PTPRS: variants seen among roughly 807,000 people sequenced by gnomAD.
PTPRS encodes protein tyrosine phosphatase receptor type S.
Under a neutral mutation model 215.3 loss-of-function variants are expected in PTPRS, and 63 were observed. The ratio of observed to expected loss-of-function variants is 0.29; its 90% CI spans 0.24 to 0.36. The LOEUF (loss-of-function observed/expected upper bound fraction) is 0.36. Ranked by LOEUF, PTPRS falls within the 10% of genes least tolerant of loss-of-function variation. The pLI is 1.00. For missense variants in PTPRS, 2,258 were observed against 2,825.8 expected (o/e 0.80, Z 4.56); for synonymous variants, 1,404 against 1,191.4 (o/e 1.18, Z -3.68).
At position 5,222,928 on chromosome 19, in the gene PTPRS, G is replaced by A. The variant is rs1048404327; in HGVS notation, c.2864C>T (p.Pro955Leu). The A allele has an allele frequency of 4.9e-5, 77 of 1,558,558 alleles. No individual in the cohort carries two copies. Among genetic ancestry groups the A allele is most frequent in the Non-Finnish European group, 6.2e-5 (72 of 1,159,632 alleles). The change falls in exon 18 of 38, where the codon CCC becomes CTC. Residue 955 changes from proline (P) to leucine (L), a missense_variant. By Grantham distance (98) the Pro-to-Leu change is moderately conservative. This residue lies in a region of PTPRS where 361 missense variants were observed against 332.6 expected (regional missense o/e 1.09). Transcript: ENST00000262963. ...TVLLRWLPPV[P>L]AERNGAIVKY... ...GACGATGGCCCCGTTGCGCTCGGCG[G>A]GCACGGGTGGCAGCCAGCGGAGAAG... is the stretch of plus-strand genomic sequence containing the variant.
At position 5,300,184 on chromosome 19, in the gene PTPRS, T is replaced by C. The variant is rs796644258; in HGVS notation, c.-94-13950A>G. ...AGAACCCAGGAGGTGGACACTGCAG[T>C]GACGTGAGATCATGCCACAGCACTA... On this transcript the variant is annotated intron_variant, in intron 1 of 37. Transcript: ENST00000262963. Among the ~76,000 whole-genome samples, 59 of 146,216 alleles carry C rather than the reference T, an allele frequency of 4.0e-4. 2 individuals carry two copies. The highest frequency in any genetic ancestry group is 1.4e-3 in the African/African-American group (55 of 39,266).
intron 2 of PTPRS, 48 bp downstream of exon 2, chr19:5,286,002 A>G: frequency 6.4e-7 from 1 of 1,556,948 alleles, no homozygotes; most frequent in African/African-American, 1.4e-5. Flanking sequence ...AAATGCACAC[A>G]GGTAAACAAA....
chr19:5,218,891 G>T (rs2041730304), intron 23 of PTPRS, 93 bp from the exon 24 acceptor site: 2 of 1,326,456 alleles, frequency 1.5e-6, no homozygotes, highest in African/African-American at 3.0e-5. Flanking sequence ...GTGACTCTCA[G>T]TGCCTTCCTT....
intron 35 of PTPRS, among the ~76,000 whole-genome samples, chr19:5,209,150 GTAACTCA>G (rs1166330758): frequency 2.0e-5 from 3 of 151,990 alleles, no homozygotes; most frequent in Non-Finnish European, 4.4e-5. Context: ...TCCCCTCTTG[GTAACTCA>G]TCCTTAACCA....
In PTPRS at chr19:5,257,288, G is replaced by A. The variant is rs977964264; in HGVS notation, c.706+729C>T. On this transcript the variant is annotated intron_variant, in intron 8 of 37. Transcript: ENST00000262963. The surrounding 1 kb of genome is among the most constrained non-coding windows in gnomAD (Gnocchi z 4.4). ...TGGGGCGAGGCCCCCACGCTGCTGGGCATGACTGAGTGGGAATTGGAAACT... is the reference window on the plus strand; with the variant it reads ...TGGGGCGAGGCCCCCACGCTGCTGGACATGACTGAGTGGGAATTGGAAACT... The A allele has an allele frequency of 4.5e-5, 18 of 398,246 alleles. No homozygotes were observed. Among genetic ancestry groups the A allele is most frequent in the South Asian group, 3.1e-4 (17 of 55,474 alleles). The allele number at this position is 398,246 out of a possible 1,614,324, so 24.7% of individuals were successfully genotyped here.
intron 13 of PTPRS, 91 bp downstream of exon 13, chr19:5,238,828 C>A: frequency 7.0e-7 from 1 of 1,438,032 alleles, no homozygotes; most frequent in Non-Finnish European, 9.1e-7. Flanking sequence ...CCCACTGCAG[C>A]AGGCCCCGCC....
In PTPRS at chr19:5,287,745, G is replaced by A. The variant is rs1213314061; in HGVS notation, c.-94-1511C>T. ...TGGCCGGGTCACAGCCTAGGGTGAC[G>A]AACGGGATTCGGGGGGCCTCAGTGT... On this transcript the variant is annotated intron_variant, in intron 1 of 37. Transcript: ENST00000262963. This position sits in a 1 kb window ranked among gnomAD's most constrained non-coding sequence, Gnocchi z 4.8. 3.3e-5 allele frequency among the ~76,000 whole-genome samples: 5 copies of A among 152,134 alleles called. No homozygotes were observed. The highest frequency in any genetic ancestry group is 1.9e-4 in the East Asian group (1 of 5,186).
At chr19:5,218,897 T>C in intron 23 of PTPRS, 99 bp from the exon 24 acceptor site, 1 of 1,264,140 alleles carries the variant, frequency 7.9e-7, no homozygotes, top group South Asian at 1.4e-5. Context: ...CTCAGTGCCT[T>C]CCTTAACCTC....
At chr19:5,238,809 C>T (rs1352607214) in intron 13 of PTPRS, 110 bp downstream of exon 13, 38 of 1,372,254 alleles carry the variant, frequency 2.8e-5, no homozygotes, top group Non-Finnish European at 3.5e-5. Context: ...GGCCGGGAGG[C>T]GCCCCCCACC....
chr19:5,227,351 G>A (rs187339335), intron 16 of PTPRS, among the ~76,000 whole-genome samples: 101 of 151,338 alleles, frequency 6.7e-4, no homozygotes, highest in African/African-American at 2.3e-3. Context: ...GTGCCTGGCT[G>A]AGAGCTGATT....
intron 2 of PTPRS, among the ~76,000 whole-genome samples, chr19:5,284,419 A>AT (rs756872610): frequency 1.0e-4 from 10 of 99,484 alleles, no homozygotes; most frequent in East Asian, 4.1e-4. Context: ...AAATAAATAA[A>AT]AATTAGCCAG....
At chr19:5,247,289 C>T (rs932392993) in intron 9 of PTPRS, among the ~76,000 whole-genome samples, 2 of 151,762 alleles carry the variant, frequency 1.3e-5, no homozygotes, top group African/African-American at 4.8e-5. Context: ...CGTTTCTTAG[C>T]GGGGAAGTGG....
chr19:5,226,205 C>T (rs1225790388), intron 16 of PTPRS, among the ~76,000 whole-genome samples: 3 of 152,200 alleles, frequency 2.0e-5, no homozygotes, highest in Non-Finnish European at 4.4e-5. Flanking sequence ...TCCATGGCTC[C>T]CACCTCTCTT....
At chr19:5,270,028 C>A (rs2046773110) in intron 4 of PTPRS, among the ~76,000 whole-genome samples, 1 of 151,592 alleles carries the variant, frequency 6.6e-6, no homozygotes, top group Admixed American at 6.6e-5. Flanking sequence ...CCTTTTAATA[C>A]CCTGAGTGCT....
Position 5,208,379 on chromosome 19 carries a change from G to C in PTPRS, c.5500C>G (p.Arg1834Gly). 6.2e-7 allele frequency: 1 copy of C among 1,601,292 alleles called. No homozygotes were observed. Among genetic ancestry groups the C allele is most frequent in the Non-Finnish European group, 8.5e-7 (1 of 1,173,372 alleles). The change falls in exon 36 of 38, where the codon CGG becomes GGG. Residue 1834 changes from arginine to glycine, a missense_variant. Around this residue, in one of 6 missense-constraint regions of PTPRS, gnomAD observed 927 missense variants for 1,125.9 expected, o/e 0.82. Transcript: ENST00000262963. ...KVTDARDGQS[R>G]TVRQFQFTDW... is the part of the protein sequence containing the mutation. The stretch of plus-strand genomic sequence containing the variant: ...GTGAACTGGAACTGCCGGACAGTCC[G>C]GGACTGGCCATCCTAGAGTGCAGAG...
chr19:5,268,110 C>G (rs1336829316), intron 4 of PTPRS, among the ~76,000 whole-genome samples: 4 of 152,116 alleles, frequency 2.6e-5, no homozygotes, highest in African/African-American at 9.7e-5. Flanking sequence ...GCGGACTTTG[C>G]AGTGAGCAGA....
intron 13 of PTPRS, among the ~76,000 whole-genome samples, chr19:5,234,103 C>T (rs900528725): frequency 1.3e-5 from 2 of 151,296 alleles, no homozygotes; most frequent in Non-Finnish European, 2.9e-5. Flanking sequence ...ATTTACTGGC[C>T]ACCTACTGTA....
At chr19:5,304,487 A>AAAAATAC (rs1345240936) in intron 1 of PTPRS, among the ~76,000 whole-genome samples, 8 of 151,918 alleles carry the variant, frequency 5.3e-5, no homozygotes, top group Admixed American at 5.3e-4. Flanking sequence ...AAAATAAAAT[A>AAAAATAC]AAAATACAAA....
rs749228586 is a variant in PTPRS at position 5,218,792 on chromosome 19, G to T, written c.3930C>A (p.Pro1310=). 2 of 1,605,410 alleles carry T rather than the reference G, an allele frequency of 1.2e-6. No individual in the cohort carries two copies. Among genetic ancestry groups the T allele is most frequent in the African/African-American group, 2.7e-5 (2 of 74,322 alleles). The change falls in exon 24 of 38, where the codon CCC becomes CCA. Residue 1310 remains proline (P), a synonymous_variant. Transcript: ENST00000262963. ...GGGGGAGGGCTGGTTCTTACCTGTCGGGTTTGCTGTTCCCGAAAGCAGACA... is the reference window on the plus strand; with the variant it reads ...GGGGGAGGGCTGGTTCTTACCTGTCTGGTTTGCTGTTCCCGAAAGCAGACA... ...VIAILLYKNK[P]DSKRKDSEPR...
Sources: allele counts gnomAD v4.1 joint callset (sites outside exome capture counted in the v4.1 genomes callset), GRCh38; gene constraint gnomAD v4.1.1; regional missense constraint gnomAD v4.1.1; non-coding constraint Gnocchi (gnomAD v3.1); transcripts MANE v1.5; gene names NCBI Gene and HGNC (gene_info 2026-07-23, HGNC 2026-07-21).